EXOC4: variants seen among roughly 807,000 people sequenced by gnomAD.
EXOC4 encodes SEC8-like 1.
In EXOC4, 71 loss-of-function variants were observed where a neutral mutation model predicts 107.2. That is an observed-to-expected ratio of 0.66 (90% confidence interval 0.55 to 0.81). The LOEUF (loss-of-function observed/expected upper bound fraction) is 0.81. EXOC4 is among the 30% of genes least tolerant of loss of function. The pLI is 0.00. For missense variants in EXOC4, 1,108 were observed against 1,189.6 expected (o/e 0.93, Z 1.01); for synonymous variants, 456 against 441.2 (o/e 1.03, Z -0.42).
chr7:133,774,700 T>C (rs1796310353), intron 10 of EXOC4, among the ~76,000 whole-genome samples: 1 of 152,142 alleles, frequency 6.6e-6, no homozygotes, highest in Admixed American at 6.5e-5. Flanking sequence ...CCTTAACTTA[T>C]GGACATTAGT....
intron 1 of EXOC4, 151 bp downstream of exon 1, chr7:133,253,338 G>C (rs1434860689): frequency 7.1e-7 from 1 of 1,406,762 alleles, no homozygotes; most frequent in Non-Finnish European, 9.3e-7. Context: ...CCCTCCCCAG[G>C]GCCCCAGCAA....
Position 133,869,018 on chromosome 7 carries a change from CG to C in EXOC4, c.1735-26580del, listed in dbSNP as rs139853158. Among the ~76,000 whole-genome samples the C allele has an allele frequency of 2.4e-3, 362 of 151,848 alleles. 5 individuals carry two copies. The highest frequency in any genetic ancestry group is 8.1e-3 in the African/African-American group (337 of 41,370). On this transcript the variant is annotated intron_variant, in intron 11 of 17. Transcript: ENST00000253861. Reference sequence around the variant, plus strand: ...TGGAGGAATATGGAACACCCGCCCCCGCCCTTCTTTTCTTCATATGCATGCA... The same window carrying C: ...TGGAGGAATATGGAACACCCGCCCCCCCCTTCTTTTCTTCATATGCATGCA...
intron 7 of EXOC4, among the ~76,000 whole-genome samples, chr7:133,378,731 G>C (rs1796548738): frequency 6.6e-6 from 1 of 151,846 alleles, no homozygotes; most frequent in African/African-American, 2.4e-5. Flanking sequence ...CAGTTGAGGG[G>C]ATAAAATTGA....
At chr7:133,276,402 A>G (rs1202713856) in intron 2 of EXOC4, among the ~76,000 whole-genome samples, 2 of 152,204 alleles carry the variant, frequency 1.3e-5, no homozygotes, top group African/African-American at 4.8e-5. Flanking sequence ...AATAATTGCC[A>G]CCACTTATTG....
At chr7:133,742,465 T>C (rs1459662677) in intron 10 of EXOC4, among the ~76,000 whole-genome samples, 2 of 152,262 alleles carry the variant, frequency 1.3e-5, no homozygotes, top group Non-Finnish European at 2.9e-5. Flanking sequence ...TAAAGTGAAC[T>C]ACACCTTGAT....
chr7:133,955,472 T>C (rs1003948697), intron 14 of EXOC4, among the ~76,000 whole-genome samples: 9 of 152,182 alleles, frequency 5.9e-5, no homozygotes, highest in African/African-American at 2.2e-4. Context: ...TGGCTGAGTC[T>C]GGGGCTTTTC....
At chr7:133,533,745 A>G (rs1800223023) in intron 9 of EXOC4, among the ~76,000 whole-genome samples, 1 of 152,108 alleles carries the variant, frequency 6.6e-6, no homozygotes, top group Non-Finnish European at 1.5e-5. Flanking sequence ...TTTGTTTTAT[A>G]GAAACTATAG....
intron 5 of EXOC4, among the ~76,000 whole-genome samples, chr7:133,341,539 T>C (rs1286430183): frequency 6.6e-6 from 1 of 152,202 alleles, no homozygotes; most frequent in South Asian, 2.1e-4. Context: ...CATAAATATC[T>C]GTTATGTCCA....
chr7:133,747,621 G>A (rs1277611122), intron 10 of EXOC4, among the ~76,000 whole-genome samples: 1 of 152,168 alleles, frequency 6.6e-6, no homozygotes, highest in Non-Finnish European at 1.5e-5. Context: ...TGAAATGCGT[G>A]TACATTGAAG....
chr7:134,005,689 C>A (rs187145595), intron 16 of EXOC4, among the ~76,000 whole-genome samples: 1 of 152,066 alleles, frequency 6.6e-6, no homozygotes, highest in Non-Finnish European at 1.5e-5. Flanking sequence ...TGAATTTCAC[C>A]CAGAGGATCC....
rs1294249274 is a variant in EXOC4 at position 133,567,433 on chromosome 7, A to G, written c.1418-62612A>G. ...AATTTATATAACCAGTCCTGTGTTG[A>G]TATGCATTCATGTTGTTTCTAGTCC... On this transcript the variant is annotated intron_variant, in intron 9 of 17. Coordinates refer to ENST00000253861, the MANE Select transcript of EXOC4 (RefSeq NM_021807.4). Among the ~76,000 whole-genome samples the G allele has an allele frequency of 3.3e-5, 5 of 151,920 alleles. No homozygotes were observed. In the South Asian group the frequency reaches 6.2e-4, roughly 19 times the overall value.
At chr7:133,927,174 A>T (rs1162539107) in intron 13 of EXOC4, among the ~76,000 whole-genome samples, 1 of 151,034 alleles carries the variant, frequency 6.6e-6, no homozygotes, top group East Asian at 1.9e-4. Context: ...GCCTTCAGTG[A>T]ACTCTCTGAA....
chr7:134,090,178 A>G, the EXOC4 span, among the ~76,000 whole-genome samples: 4 of 152,204 alleles, frequency 2.6e-5, no homozygotes, highest in African/African-American at 7.2e-5. Flanking sequence ...CACAACACAC[A>G]TAAATACACT....
At chr7:133,620,787 A>G (rs2151005709) in intron 9 of EXOC4, among the ~76,000 whole-genome samples, 1 of 152,350 alleles carries the variant, frequency 6.6e-6, no homozygotes, top group Admixed American at 6.5e-5. Flanking sequence ...AAACATATTT[A>G]ATAGATTCAA....
chr7:133,933,908 T>A (rs1425672573), intron 13 of EXOC4, among the ~76,000 whole-genome samples: 9 of 152,228 alleles, frequency 5.9e-5, no homozygotes, highest in Non-Finnish European at 7.3e-5. Flanking sequence ...TTGGAGAACA[T>A]ATGGACAGTA....
At chr7:133,331,669 G>T (rs1236315790) in intron 5 of EXOC4, among the ~76,000 whole-genome samples, 1 of 151,942 alleles carries the variant, frequency 6.6e-6, no homozygotes, top group Non-Finnish European at 1.5e-5. Context: ...GTTTCACCGT[G>T]TTAGCCAGGA....
At chr7:133,655,401 T>C (rs1443404876) in intron 10 of EXOC4, among the ~76,000 whole-genome samples, 1 of 152,202 alleles carries the variant, frequency 6.6e-6, no homozygotes, top group Non-Finnish European at 1.5e-5. Flanking sequence ...TAGCTATAGT[T>C]GCCCTGCTGT....
chr7:133,329,795 A>C (rs561973467), intron 5 of EXOC4, among the ~76,000 whole-genome samples: 26 of 152,200 alleles, frequency 1.7e-4, no homozygotes, highest in Non-Finnish European at 3.7e-4. Flanking sequence ...CTTCCTCTGG[A>C]AGCTTCATCT....
At chr7:134,002,041 T>G (rs576252376) in intron 15 of EXOC4, among the ~76,000 whole-genome samples, 1 of 152,222 alleles carries the variant, frequency 6.6e-6, no homozygotes, top group African/African-American at 2.4e-5. Flanking sequence ...GTGCTAGTCA[T>G]GAATCCCATT....
Sources: gnomAD v4.1 joint callset for allele counts (sites outside exome capture counted in the v4.1 genomes callset) on GRCh38, gnomAD v4.1.1 for gene constraint, MANE v1.5 for transcripts, NCBI Gene and HGNC (gene_info 2026-07-23, HGNC 2026-07-21) for gene names.